TMEM243: variants seen among roughly 807,000 people sequenced by gnomAD.
The protein encoded by TMEM243 is transmembrane protein 243.
In TMEM243, 20 loss-of-function variants were observed where a neutral mutation model predicts 15.0. The observed-to-expected ratio is 1.33, with a 90% CI of 0.94 to 1.93. The LOEUF (loss-of-function observed/expected upper bound fraction) is 1.93, where lower values mean the gene tolerates loss of function less well. TMEM243 is among the 30% of genes most tolerant of loss of function. TMEM243 has a pLI of 0.00. For missense variants in TMEM243, 156 were observed against 142.1 expected (o/e 1.10, Z -0.50); for synonymous variants, 72 against 52.7 (o/e 1.37, Z -1.59).
In TMEM243 at chr7:87,219,584, G is replaced by T; in HGVS notation, c.-81C>A. ...CGAGGTCTCAGGTCCACGACTGCAA[G>T]CCTCCTCCTCACGGCTCCCGCATAG... On this transcript the variant is annotated 5_prime_UTR_variant, in exon 1 of 4. Coordinates refer to ENST00000257637, the MANE Select transcript of TMEM243 (RefSeq NM_024315.4). The T allele has an allele frequency of 7.8e-7, 1 of 1,286,746 alleles. No individual in the cohort carries two copies. Among genetic ancestry groups the T allele is most frequent in the Non-Finnish European group, 1.1e-6 (1 of 894,764 alleles). The allele number at this position is 1,286,746 out of a possible 1,614,324, so 79.7% of individuals were successfully genotyped here.
At position 87,197,943 on chromosome 7, in the gene TMEM243, G is replaced by A. The variant is rs1253252817; in HGVS notation, c.232C>T (p.Leu78Phe). Residue 78 changes from leucine (L) to phenylalanine (F), a missense_variant and splice_region_variant, in exon 3 of 4, where the codon CTT becomes TTT. Coordinates refer to ENST00000257637, the MANE Select transcript of TMEM243 (RefSeq NM_024315.4). ...ISLSSITACI[L>F]IYWYRQGDLE... is the part of the protein sequence containing the mutation. Reference sequence around the variant, plus strand: ...TTTAAATTCTCAACAGTACTTACAAGTATGCAGGCAGTAATACTACTCAAA... The same window carrying A: ...TTTAAATTCTCAACAGTACTTACAAATATGCAGGCAGTAATACTACTCAAA... 1 of 1,613,010 alleles carries A rather than the reference G, an allele frequency of 6.2e-7. No homozygotes were observed. The highest frequency in any genetic ancestry group is 1.7e-5 in the Admixed American group (1 of 59,918).
chr7:87,204,966 G>C (rs1321429469), intron 1 of TMEM243, among the ~76,000 whole-genome samples: 1 of 152,258 alleles, frequency 6.6e-6, no homozygotes, highest in Non-Finnish European at 1.5e-5. Context: ...GTTTCTGTAT[G>C]TCCTCTAAAA....
At chr7:87,203,380 A>G (rs1479832317) in intron 1 of TMEM243, among the ~76,000 whole-genome samples, 1 of 152,204 alleles carries the variant, frequency 6.6e-6, no homozygotes, top group Non-Finnish European at 1.5e-5. Context: ...TGGGAGGCCA[A>G]GGTGGGAGGA....
At chr7:87,200,281 CAGAAG>C (rs1196368868) in intron 1 of TMEM243, among the ~76,000 whole-genome samples, 15 of 152,140 alleles carry the variant, frequency 9.9e-5, no homozygotes, top group Admixed American at 4.6e-4. Flanking sequence ...CCAGAGGACT[CAGAAG>C]AGATCTTACC....
chr7:87,214,902 T>TG (rs2129238757), intron 1 of TMEM243, among the ~76,000 whole-genome samples: 1 of 152,272 alleles, frequency 6.6e-6, no homozygotes, highest in Non-Finnish European at 1.5e-5. Flanking sequence ...GAAGACAATT[T>TG]TATATTTTTA....
Position 87,211,039 on chromosome 7 carries a change from C to G in TMEM243, c.78+8387G>C, listed in dbSNP as rs982534307. Among the ~76,000 whole-genome samples the G allele has an allele frequency of 2.0e-5, 3 of 152,340 alleles. No individual in the cohort carries two copies. In the East Asian group the frequency reaches 5.8e-4, roughly 29 times the overall value. On this transcript the variant is annotated intron_variant, in intron 1 of 3. Transcript: ENST00000257637. ...GGGCACTGGAGTCCAGGACCTGATC[C>G]ACAAAACCATTTTTCCTTGACAGGC... is the stretch of plus-strand genomic sequence containing the variant.
Position 87,196,742 on chromosome 7 carries a change from T to G in TMEM243, c.251A>C (p.Gln84Pro). The change falls in exon 4 of 4, where the codon CAA becomes CCA. Residue 84 changes from glutamine (Q) to proline (P), a missense_variant. Gln to Pro is a moderately conservative substitution (Grantham distance 76). Transcript: ENST00000257637. ...TACILIYWYR[Q>P]GDLEPKFRKL... ...TCTAAATTTCGGTTCTAAGTCTCCT[T>G]GTCGATACCAGTAGATCTAAAAGAA... The G allele has an allele frequency of 6.3e-7, 1 of 1,577,846 alleles. No homozygotes were observed. Among genetic ancestry groups the G allele is most frequent in the Non-Finnish European group, 8.7e-7 (1 of 1,153,514 alleles).
intron 1 of TMEM243, among the ~76,000 whole-genome samples, chr7:87,204,809 G>T (rs535623248): frequency 6.6e-6 from 1 of 152,320 alleles, no homozygotes; most frequent in East Asian, 1.9e-4. Context: ...TCTGGAGGAT[G>T]GTGGCCTTCT....
chr7:87,199,441 A>G (rs1049798388), intron 1 of TMEM243: 1 of 182,746 alleles, frequency 5.5e-6, no homozygotes, highest in Admixed American at 5.7e-5. Flanking sequence ...GAACCGGACT[A>G]GATGTAGAGT....
chr7:87,196,459 AAGC>A lies in TMEM243; in HGVS notation c.*174_*176del, dbSNP rs914416988. On this transcript the variant is annotated 3_prime_UTR_variant, in exon 4 of 4. Transcript: ENST00000257637. The stretch of plus-strand genomic sequence containing the variant: ...GTGCAACATCAGCTCCTTAAAGAAA[AAGC>A]AAAGTGATCTAGGATATGTCTCCCT... The A allele has an allele frequency of 3.4e-6, 2 of 583,402 alleles. No individual in the cohort carries two copies. The highest frequency in any genetic ancestry group is 4.0e-5 in the African/African-American group (2 of 50,402). The allele number at this position is 583,402 out of a possible 1,614,324, so 36.1% of individuals were successfully genotyped here. A position where few individuals can be genotyped will look rare whatever the true frequency, so the allele number is the denominator to read the frequency against.
intron 1 of TMEM243, among the ~76,000 whole-genome samples, chr7:87,217,960 A>C (rs2129241370): frequency 6.6e-6 from 1 of 152,370 alleles, no homozygotes; most frequent in Middle Eastern, 3.4e-3. Flanking sequence ...AAGAGCTATG[A>C]GTTAAAAGAG....
chr7:87,209,766 G>A (rs536592852), intron 1 of TMEM243, among the ~76,000 whole-genome samples: 2 of 111,708 alleles, frequency 1.8e-5, no homozygotes, highest in African/African-American at 6.4e-5. Context: ...GAGACAGTGA[G>A]AGCGAGACAG....
At position 87,197,982 on chromosome 7, in the gene TMEM243, C is replaced by T. The variant is rs1428536778; in HGVS notation, c.193G>A (p.Ala65Thr). The change falls in exon 3 of 4, where the codon GCT becomes ACT. Residue 65 changes from alanine to threonine, a missense_variant. Transcript: ENST00000257637. The part of the protein sequence containing the change: ...LPPKPLNIFF[A>T]VCISLSSITA... ...ATACTACTCAAAGAGATGCAGACAGCAAAGAATATATTCAACGGTTTTGGA... is the reference window on the plus strand; with the variant it reads ...ATACTACTCAAAGAGATGCAGACAGTAAAGAATATATTCAACGGTTTTGGA... 9 of 1,612,936 alleles carry T rather than the reference C, an allele frequency of 5.6e-6. No individual in the cohort carries two copies. The highest frequency in any genetic ancestry group is 1.7e-5 in the Admixed American group (1 of 59,934).
intron 1 of TMEM243, among the ~76,000 whole-genome samples, chr7:87,206,728 A>G (rs1449488125): frequency 6.6e-6 from 1 of 152,238 alleles, no homozygotes. Context: ...ATGGCTGACC[A>G]CAGGTAACTG....
intron 1 of TMEM243, 28 bp from the exon 2 acceptor site, chr7:87,199,085 T>C (rs1168743078): frequency 1.3e-6 from 2 of 1,590,330 alleles, no homozygotes; most frequent in Non-Finnish European, 1.7e-6. Flanking sequence ...TTTTAAGCCA[T>C]ATGACTTGGA....
rs1388175692 is a variant in TMEM243, at chr7:87,196,632, A to G, written c.*4T>C. The G allele has an allele frequency of 1.2e-6, 2 of 1,607,936 alleles. No homozygotes were observed. The highest frequency in any genetic ancestry group is 2.7e-5 in the African/African-American group (2 of 74,580). ...GTCCTGGTAAGTACTTCTCCTTGGCAGCCTCACCTTCCCACATCATGGAAG... is the reference window on the plus strand; with the variant it reads ...GTCCTGGTAAGTACTTCTCCTTGGCGGCCTCACCTTCCCACATCATGGAAG... On this transcript the variant is annotated 3_prime_UTR_variant, in exon 4 of 4. Coordinates refer to ENST00000257637, the MANE Select transcript of TMEM243 (RefSeq NM_024315.4).
chr7:87,214,349 CTT>C (rs1484595545), intron 1 of TMEM243, among the ~76,000 whole-genome samples: 4 of 152,236 alleles, frequency 2.6e-5, no homozygotes, highest in African/African-American at 9.6e-5. Flanking sequence ...CTAAAGAAAA[CTT>C]TTAAAGGTAG....
At chr7:87,217,602 G>T (rs2129240975) in intron 1 of TMEM243, among the ~76,000 whole-genome samples, 1 of 152,244 alleles carries the variant, frequency 6.6e-6, no homozygotes, top group African/African-American at 2.4e-5. Context: ...ATTTATCTAT[G>T]TCCAATCACC....
At chr7:87,201,612 T>C (rs1386538670) in intron 1 of TMEM243, among the ~76,000 whole-genome samples, 3 of 152,306 alleles carry the variant, frequency 2.0e-5, no homozygotes, top group South Asian at 4.1e-4. Flanking sequence ...AATTAACACT[T>C]CAAAGGACAG....
Sources: gnomAD v4.1 joint callset for allele counts (sites outside exome capture counted in the v4.1 genomes callset) on GRCh38, gnomAD v4.1.1 for gene constraint, MANE v1.5 for transcripts, NCBI Gene and HGNC (gene_info 2026-07-23, HGNC 2026-07-21) for gene names.